Variants in TPD52 observed in about 807,000 individuals in gnomAD.
The protein encoded by TPD52 is tumor protein D52.
In TPD52, 17 loss-of-function variants were observed where a neutral mutation model predicts 31.3. That is an observed-to-expected ratio of 0.54 (90% CI 0.37 to 0.82). TPD52 has a LOEUF of 0.82. TPD52 is among the 40% of genes least tolerant of loss of function. The pLI is 0.00. For missense variants in TPD52, 212 were observed against 240.1 expected (o/e 0.88, Z 0.77); for synonymous variants, 83 against 89.6 (o/e 0.93, Z 0.42).
chr8:80,076,841 C>A (rs1199261485), intron 1 of TPD52, among the ~76,000 whole-genome samples: 2 of 152,092 alleles, frequency 1.3e-5, no homozygotes, highest in South Asian at 2.1e-4. Context: ...CCGATTAATT[C>A]TTTTACTTTT....
intron 1 of TPD52, among the ~76,000 whole-genome samples, chr8:80,130,658 C>T (rs570397826): frequency 6.6e-6 from 1 of 152,252 alleles, no homozygotes; most frequent in Admixed American, 6.5e-5. Flanking sequence ...AAGTGTATAG[C>T]TTAAAATAAC....
chr8:80,134,049 A>AT (rs1809215689), intron 1 of TPD52, among the ~76,000 whole-genome samples: 1 of 152,268 alleles, frequency 6.6e-6, no homozygotes, highest in Admixed American at 6.5e-5. Flanking sequence ...AGTCAGTGAC[A>AT]TGGCAGACAC....
rs760496029 is a variant in TPD52 at position 80,072,784 on chromosome 8, T to TAC, written c.20-8193_20-8192dup. ...ATACACACACACATATATATACACA[T>TAC]ACACACACACACACATATATATATA... On this transcript the variant is annotated intron_variant, in intron 1 of 7. Transcript: ENST00000518937. Among the ~76,000 whole-genome samples the TAC allele has an allele frequency of 1.1e-3, 160 of 145,110 alleles. 3 individuals carry two copies. Among genetic ancestry groups the TAC allele is most frequent in the African/African-American group, 2.5e-3 (89 of 35,900 alleles).
At chr8:80,135,703 T>C (rs555777312) in intron 1 of TPD52, among the ~76,000 whole-genome samples, 20 of 150,198 alleles carry the variant, frequency 1.3e-4, no homozygotes, top group African/African-American at 4.4e-4. Context: ...TGCGGCATTA[T>C]TCACAATAGT....
At chr8:80,053,798 C>T (rs1811603124) in intron 2 of TPD52, among the ~76,000 whole-genome samples, 1 of 152,168 alleles carries the variant, frequency 6.6e-6, no homozygotes. Flanking sequence ...TCTGCCTTCC[C>T]AGCCTAGACA....
chr8:80,073,146 C>T (rs942705860), intron 1 of TPD52, among the ~76,000 whole-genome samples: 5 of 151,958 alleles, frequency 3.3e-5, no homozygotes, highest in Non-Finnish European at 7.4e-5. Context: ...AAGGTATTAA[C>T]TCAAAAAAAA....
chr8:80,146,557 A>C (rs1554593877), intron 1 of TPD52, among the ~76,000 whole-genome samples: 1 of 152,210 alleles, frequency 6.6e-6, no homozygotes, highest in Non-Finnish European at 1.5e-5. Flanking sequence ...TTATCTATTA[A>C]AACAAAAATA....
rs139403053 is a variant in TPD52, at chr8:80,069,814, C to T, written c.20-5221G>A. The stretch of plus-strand genomic sequence containing the variant: ...CTTCAGAGTCCTTGTGAATAATGTG[C>T]GGAAGACAAAGTGGAAATGTGTGTG... On this transcript the variant is annotated intron_variant, in intron 1 of 7. Transcript: ENST00000518937. Among the ~76,000 whole-genome samples the T allele has an allele frequency of 7.2e-3, 1,090 of 151,972 alleles. 7 individuals are homozygous for T. The highest frequency in any genetic ancestry group is 8.6e-3 in the Non-Finnish European group (584 of 67,982).
chr8:80,042,356 G>A lies in TPD52; in HGVS notation c.504+264C>T, dbSNP rs1055399923. ...GTACTTGAAATGAATAAAGCAAAAA[G>A]CAGCACAAATTTCTAAAGTGCCATT... is the stretch of plus-strand genomic sequence containing the variant. On this transcript the variant is annotated intron_variant, in intron 7 of 7. Transcript: ENST00000518937. 6 of 985,254 alleles carry A rather than the reference G, an allele frequency of 6.1e-6. No individual in the cohort carries two copies. The East Asian group carries it at 6.8e-4, about 112-fold the overall frequency. 61.0% of individuals were successfully genotyped at this position (985,254 alleles called of 1,614,324 possible).
intron 1 of TPD52, among the ~76,000 whole-genome samples, chr8:80,117,387 A>G (rs1186705255): frequency 6.6e-6 from 1 of 152,220 alleles, no homozygotes. Context: ...ACAAAATTGT[A>G]TTTACAACAG....
At chr8:80,140,934 C>G (rs1809785514) in intron 1 of TPD52, among the ~76,000 whole-genome samples, 1 of 142,314 alleles carries the variant, frequency 7.0e-6, no homozygotes. Flanking sequence ...GGAGCATTTT[C>G]AGGGGCAATA....
At chr8:80,096,658 A>G (rs1816767626) in intron 1 of TPD52, among the ~76,000 whole-genome samples, 1 of 152,120 alleles carries the variant, frequency 6.6e-6, no homozygotes, top group Non-Finnish European at 1.5e-5. Flanking sequence ...ATCTGTGATC[A>G]GTGACCTTTG....
At chr8:80,054,907 T>C (rs1372804985) in intron 2 of TPD52, among the ~76,000 whole-genome samples, 2 of 152,106 alleles carry the variant, frequency 1.3e-5, no homozygotes, top group Non-Finnish European at 2.9e-5. Context: ...ATTGACGAAG[T>C]GGAATACGAG....
At chr8:80,167,846 T>C (rs750791046) in intron 1 of TPD52, among the ~76,000 whole-genome samples, 2 of 152,240 alleles carry the variant, frequency 1.3e-5, no homozygotes, top group Non-Finnish European at 2.9e-5. Context: ...CAAACTAGTA[T>C]AATGTGTAGT....
chr8:80,080,398 T>A (rs759711286), intron 1 of TPD52: 2 of 1,614,216 alleles, frequency 1.2e-6, no homozygotes, highest in South Asian at 2.2e-5. Context: ...CACTCCTGCA[T>A]CAAAATCAAA....
intron 1 of TPD52, among the ~76,000 whole-genome samples, chr8:80,130,531 CCACCCAG>C (rs1250118792): frequency 6.6e-6 from 1 of 152,138 alleles, no homozygotes; most frequent in Non-Finnish European, 1.5e-5. Flanking sequence ...GCTGTGCCCT[CCACCCAG>C]AGCACTCTTC....
chr8:80,107,287 C>T (rs1807201155), intron 1 of TPD52, among the ~76,000 whole-genome samples: 1 of 152,158 alleles, frequency 6.6e-6, no homozygotes, highest in Non-Finnish European at 1.5e-5. Flanking sequence ...GCATTCCAAG[C>T]ATTACATCAA....
In TPD52 at chr8:80,112,861, T is replaced by C. The variant is rs73263579; in HGVS notation, c.20-48268A>G. Among the ~76,000 whole-genome samples, 373 of 152,344 alleles carry C rather than the reference T, an allele frequency of 2.4e-3. 3 individuals carry two copies. The highest frequency in any genetic ancestry group is 8.7e-3 in the African/African-American group (361 of 41,574). On this transcript the variant is annotated intron_variant, in intron 1 of 7. Transcript: ENST00000518937. ...CTTAGGGTCAGAAGTATTTCAGATT[T>C]CCGATTTTTTCAGGTTTGAAATATC...
At chr8:80,072,717 G>GCACACATATATACATATATATACA (rs1814030689) in intron 1 of TPD52, among the ~76,000 whole-genome samples, 1 of 146,714 alleles carries the variant, frequency 6.8e-6, no homozygotes, top group Non-Finnish European at 1.5e-5. Flanking sequence ...ACATCTATAC[G>GCACACATATATACATATATATACA]CACACATATA....
Sources: allele counts gnomAD v4.1 joint callset (sites outside exome capture counted in the v4.1 genomes callset), GRCh38; gene constraint gnomAD v4.1.1; transcripts MANE v1.5; gene names NCBI Gene and HGNC (gene_info 2026-07-23, HGNC 2026-07-21).